The following S100Z variants were observed in gnomAD, a reference collection of about 807,000 sequenced individuals.
S100Z encodes protein S100-Z.
In S100Z, 11 loss-of-function variants were observed where a neutral mutation model predicts 8.5. That is an observed-to-expected ratio of 1.30 (90% confidence interval 0.82 to 2.15). The LOEUF (loss-of-function observed/expected upper bound fraction) is 2.15. Ranked by LOEUF, S100Z falls within the 30% of genes most tolerant of loss-of-function variation. The pLI is 0.00. For missense variants in S100Z, 126 were observed against 117.9 expected, an observed-to-expected ratio of 1.07 and a Z score of -0.32; for synonymous variants, 34 against 43.8, an observed-to-expected ratio of 0.78 and a Z score of 0.89.
Position 76,919,907 on chromosome 5 carries a change from AT to A in S100Z, c.*3-791del, listed in dbSNP as rs1184233230. 6.0e-3 allele frequency among the ~76,000 whole-genome samples: 738 copies of A among 122,212 alleles called. 6 individuals carry two copies. The highest frequency in any genetic ancestry group is 0.028 in the East Asian group (117 of 4,204). The allele number at this position is 122,212 out of a possible 152,430, so 80.2% of individuals were successfully genotyped here. On this transcript the variant is annotated intron_variant, in intron 4 of 4. Coordinates refer to ENST00000317593, the MANE Select transcript of S100Z (RefSeq NM_130772.4). ...GTGTGAACCACCATGCCCAGCTTTC[AT>A]TTTTTTTTTTTTTTTTTTGAGACAG...
the S100Z span, among the ~76,000 whole-genome samples, chr5:76,932,434 A>G: frequency 6.6e-5 from 10 of 152,042 alleles, no homozygotes; most frequent in Non-Finnish European, 1.3e-4. Context: ...GCTCACTGCA[A>G]TCTCAGCCTC....
At chr5:76,854,342 G>C (rs1361933971) in intron 1 of S100Z, among the ~76,000 whole-genome samples, 1 of 152,210 alleles carries the variant, frequency 6.6e-6, no homozygotes, top group African/African-American at 2.4e-5. Flanking sequence ...GAGACTTGTT[G>C]AATGGTAGTG....
intron 3 of S100Z, 21 bp downstream of exon 3, chr5:76,875,521 T>A: frequency 6.3e-7 from 1 of 1,591,158 alleles, no homozygotes; most frequent in Non-Finnish European, 8.5e-7. Context: ...CCTTTGTAAA[T>A]GCTGTATTCA....
intron 3 of S100Z, among the ~76,000 whole-genome samples, chr5:76,876,623 G>A (rs565734055): frequency 2.5e-4 from 38 of 152,126 alleles, no homozygotes; most frequent in African/African-American, 8.4e-4. Flanking sequence ...TGCCTGCCTC[G>A]GCCTCCCAAA....
intron 4 of S100Z, among the ~76,000 whole-genome samples, chr5:76,917,990 A>G (rs1580069413): frequency 6.6e-6 from 1 of 152,318 alleles, no homozygotes; most frequent in Non-Finnish European, 1.5e-5. Context: ...TTAAATATAT[A>G]TCTGTGTAGT....
chr5:76,880,715 G>C (rs1030447564), intron 4 of S100Z, among the ~76,000 whole-genome samples: 7 of 152,178 alleles, frequency 4.6e-5, no homozygotes, highest in African/African-American at 1.4e-4. Flanking sequence ...GTCCAAGGGA[G>C]TTCAGCATAA....
chr5:76,928,509 T>A, the S100Z span, among the ~76,000 whole-genome samples: 1 of 152,294 alleles, frequency 6.6e-6, no homozygotes, highest in East Asian at 1.9e-4. Context: ...AAGGTGAAGC[T>A]ACTTAAGCTG....
the S100Z span, among the ~76,000 whole-genome samples, chr5:76,936,390 G>A: frequency 6.6e-6 from 1 of 151,902 alleles, no homozygotes; most frequent in Non-Finnish European, 1.5e-5. Flanking sequence ...TATCTAAAAG[G>A]ATAAATATCA....
At chr5:76,902,179 A>G (rs1185971122) in intron 4 of S100Z, among the ~76,000 whole-genome samples, 1 of 152,110 alleles carries the variant, frequency 6.6e-6, no homozygotes, top group Non-Finnish European at 1.5e-5. Context: ...GCCCAGAGTT[A>G]GGAAAGGGGT....
chr5:76,855,892 G>A (rs1438649485), intron 1 of S100Z, among the ~76,000 whole-genome samples: 2 of 152,124 alleles, frequency 1.3e-5, no homozygotes, highest in Admixed American at 1.3e-4. Flanking sequence ...ATTGGAGGTG[G>A]GGCCTGGTGG....
chr5:76,859,768 C>CAAAAAAAAAAAAAAAAAAAAAAA (rs70982653), intron 1 of S100Z, among the ~76,000 whole-genome samples: 26 of 97,636 alleles, frequency 2.7e-4, no homozygotes, highest in South Asian at 5.4e-4. Flanking sequence ...GCAACAGAGC[C>CAAAAAAAAAAAAAAAAAAAAAAA]AAAAAAAAAA....
At chr5:76,872,050 A>G (rs1021273358) in intron 2 of S100Z, among the ~76,000 whole-genome samples, 2 of 152,072 alleles carry the variant, frequency 1.3e-5, no homozygotes, top group Non-Finnish European at 2.9e-5. Context: ...CAGCTTGGGC[A>G]GCATAGTGAG....
chr5:76,850,543 C>G (rs1453380681), intron 1 of S100Z, among the ~76,000 whole-genome samples: 2 of 152,208 alleles, frequency 1.3e-5, no homozygotes, highest in African/African-American at 2.4e-5. Flanking sequence ...GAAGAACCTT[C>G]AAGGTGAGGC....
At chr5:76,928,546 G>C in the S100Z span, among the ~76,000 whole-genome samples, 1 of 152,152 alleles carries the variant, frequency 6.6e-6, no homozygotes, top group South Asian at 2.1e-4. Flanking sequence ...TTATGGTACA[G>C]AAAGTAGCAA....
At chr5:76,935,303 A>G in the S100Z span, among the ~76,000 whole-genome samples, 146,621 of 152,328 alleles carry the variant, frequency 0.96, 70,768 homozygotes, top group Non-Finnish European at 1. Flanking sequence ...GATTTAACAC[A>G]TGGTTTATCA....
At chr5:76,930,491 T>G in the S100Z span, among the ~76,000 whole-genome samples, 1 of 152,146 alleles carries the variant, frequency 6.6e-6, no homozygotes, top group African/African-American at 2.4e-5. Flanking sequence ...GAGGCACACA[T>G]CTCACAGTGT....
chr5:76,894,019 G>A (rs183031926), intron 4 of S100Z, among the ~76,000 whole-genome samples: 75 of 152,276 alleles, frequency 4.9e-4, no homozygotes, highest in African/African-American at 1.8e-3. Flanking sequence ...TGAAAGACTG[G>A]TTCAGGTCAT....
At chr5:76,941,501 G>A in the S100Z span, among the ~76,000 whole-genome samples, 1 of 152,142 alleles carries the variant, frequency 6.6e-6, no homozygotes, top group African/African-American at 2.4e-5. Context: ...TGATTGTGAG[G>A]CCTCCCCAGC....
chr5:76,865,214 CTAA>C (rs1322685362), intron 1 of S100Z, among the ~76,000 whole-genome samples: 1 of 149,104 alleles, frequency 6.7e-6, no homozygotes, highest in Non-Finnish European at 1.5e-5. Flanking sequence ...TAGGCCTAGG[CTAA>C]TGTGTGTGTT....
Sources: allele counts gnomAD v4.1 joint callset (sites outside exome capture counted in the v4.1 genomes callset), GRCh38; gene constraint gnomAD v4.1.1; transcripts MANE v1.5; gene names NCBI Gene and HGNC (gene_info 2026-07-23, HGNC 2026-07-21).